The following ANKMY1 variants were observed in gnomAD, a reference collection of about 807,000 sequenced individuals.
ANKMY1 encodes ankyrin repeat and MYND domain-containing protein 1.
In ANKMY1, 98 loss-of-function variants were observed where a neutral mutation model predicts 102.0. That is an observed-to-expected ratio of 0.96 (90% CI 0.82 to 1.14). ANKMY1 has a LOEUF of 1.14. Among genes scored for constraint, ANKMY1 ranks in the 50% most tolerant of loss-of-function variants. The pLI is 0.00. For missense variants in ANKMY1, 1,330 were observed against 1,347.6 expected, an observed-to-expected ratio of 0.99 and a Z score of 0.20; for synonymous variants, 582 against 559.9, an observed-to-expected ratio of 1.04 and a Z score of -0.56.
intron 4 of ANKMY1, chr2:240,532,127 A>C (rs1279642376): frequency 4.3e-6 from 2 of 469,018 alleles, no homozygotes; most frequent in Middle Eastern, 3.3e-4. Flanking sequence ...TGGAAACATC[A>C]CATTGAAACT....
At position 240,511,642 on chromosome 2, in the gene ANKMY1, T is replaced by G. The variant is rs964160339; in HGVS notation, c.2286+219A>C. ...GCCCTGTGGTAAGAAGTAGACTTCA[T>G]GCCGCCACCCAGGCCCCGTGCGCAG... is the stretch of plus-strand genomic sequence containing the variant. On this transcript the variant is annotated intron_variant, in intron 11 of 17. Transcript: ENST00000401804. Among the ~76,000 whole-genome samples, 4 of 152,372 alleles carry G rather than the reference T, an allele frequency of 2.6e-5. No individual in the cohort carries two copies. The East Asian group carries it at 7.7e-4, about 29-fold the overall frequency.
chr2:240,523,435 T>G (rs2082698120), intron 8 of ANKMY1: 2 of 177,826 alleles, frequency 1.1e-5, no homozygotes, highest in African/African-American at 4.7e-5. Context: ...GAAAGGGTCT[T>G]GGACCCCCGG....
At chr2:240,555,299 A>T (rs1575389991) in intron 2 of ANKMY1, 2 of 534,352 alleles carry the variant, frequency 3.7e-6, no homozygotes, top group East Asian at 6.1e-5. Context: ...AGATGCTGCC[A>T]GGCTCTAGAG....
intron 1 of ANKMY1, 87 bp from the exon 2 acceptor site, chr2:240,557,439 G>GA: frequency 7.2e-7 from 1 of 1,386,686 alleles, no homozygotes; most frequent in Non-Finnish European, 9.5e-7. Flanking sequence ...CGCGGCCCCT[G>GA]AGCCTCAGAG....
At chr2:240,515,970 C>T (rs1372824219) in intron 9 of ANKMY1, among the ~76,000 whole-genome samples, 1 of 151,654 alleles carries the variant, frequency 6.6e-6, no homozygotes, top group Non-Finnish European at 1.5e-5. Flanking sequence ...GTGATCTGCC[C>T]ACCTCAGCCT....
intron 11 of ANKMY1, among the ~76,000 whole-genome samples, chr2:240,510,083 T>A (rs865825363): frequency 6.1e-5 from 8 of 130,386 alleles, no homozygotes; most frequent in Middle Eastern, 4.1e-3. Context: ...CCTGCCTCCC[T>A]GCCCCCCTGC....
Position 240,537,292 on chromosome 2 carries a change from G to A in ANKMY1, c.481-7783C>T, listed in dbSNP as rs371726194. Among the ~76,000 whole-genome samples the A allele has an allele frequency of 1.1e-4, 17 of 152,296 alleles. No individual in the cohort carries two copies. The East Asian group carries it at 1.3e-3, about 12-fold the overall frequency. ...TAAGTTACCCAAAATGTTATCATAA[G>A]TTCCATAATGTGACCCTCGCCTATT... On this transcript the variant is annotated intron_variant, in intron 4 of 17. Transcript: ENST00000401804.
chr2:240,548,309 A>G (rs146464427), intron 4 of ANKMY1, among the ~76,000 whole-genome samples: 4,639 of 152,314 alleles, frequency 0.03, 98 homozygotes, highest in Middle Eastern at 0.13. Context: ...GACAAAATTC[A>G]ACAACACTTC....
chr2:240,509,303 G>T, intron 12 of ANKMY1, 45 bp downstream of exon 12: 1 of 1,517,372 alleles, frequency 6.6e-7, no homozygotes, highest in Non-Finnish European at 9.0e-7. Context: ...CACTGGAGAC[G>T]GAAACACATA....
chr2:240,557,339 T>G lies in ANKMY1; in HGVS notation c.-4A>C. ...GGGAGGCATGGGCCCCTTCCATGTC[T>G]GTGGTCTTCCAACCTGCAAGCGACG... is the stretch of plus-strand genomic sequence containing the variant. On this transcript the variant is annotated 5_prime_UTR_variant, in exon 2 of 18. Coordinates refer to ENST00000401804, the MANE Select transcript of ANKMY1 (RefSeq NM_001282771.3). 6.5e-7 allele frequency: 1 copy of G among 1,537,164 alleles called. No individual in the cohort carries two copies. The highest frequency in any genetic ancestry group is 8.8e-7 in the Non-Finnish European group (1 of 1,137,176).
chr2:240,553,136 C>T lies in ANKMY1; in HGVS notation c.337-79G>A. The T allele has an allele frequency of 1.6e-5, 25 of 1,523,932 alleles. No individual in the cohort carries two copies. The South Asian group carries it at 2.9e-4, about 18-fold the overall frequency. The allele number at this position is 1,523,932 out of a possible 1,614,324, so 94.4% of individuals were successfully genotyped here. On this transcript the variant is annotated intron_variant, in intron 3 of 17. Transcript: ENST00000401804. ...ATGCCCTTGAGGCTGAGCCACCATG[C>T]CTGGTTGGCAATGAATGGGGACCAC... is the stretch of plus-strand genomic sequence containing the variant.
chr2:240,493,148 C>G lies in ANKMY1; in HGVS notation c.2806+6810G>C, dbSNP rs902105502. Among the ~76,000 whole-genome samples, 6 of 132,460 alleles carry G rather than the reference C, an allele frequency of 4.5e-5. 1 individual carries two copies. In the South Asian group the frequency reaches 1.6e-3, roughly 36 times the overall value. The allele number at this position is 132,460 out of a possible 152,430, so 86.9% of individuals were successfully genotyped here. On this transcript the variant is annotated intron_variant, in intron 15 of 17. Transcript: ENST00000401804. ...ACCAGCCTGACCAATATGGTGAAATCCCATCTCTACTAAAAATACAAAAAA... is the reference window on the plus strand; with the variant it reads ...ACCAGCCTGACCAATATGGTGAAATGCCATCTCTACTAAAAATACAAAAAA...
chr2:240,527,117 A>C (rs1436258777), intron 5 of ANKMY1: 4 of 481,724 alleles, frequency 8.3e-6, no homozygotes, highest in East Asian at 1.9e-4. Context: ...GGTGGGTGGG[A>C]AGATGGATGG....
At chr2:240,485,584 CT>C (rs201255082) in intron 15 of ANKMY1, among the ~76,000 whole-genome samples, 29,239 of 146,686 alleles carry the variant, frequency 0.2, 3,736 homozygotes, top group African/African-American at 0.37. Context: ...CATGAATCTT[CT>C]TTTTTTTTTT....
chr2:240,512,552 T>C (rs1014244040), intron 10 of ANKMY1, among the ~76,000 whole-genome samples: 1 of 152,252 alleles, frequency 6.6e-6, no homozygotes, highest in Non-Finnish European at 1.5e-5. Flanking sequence ...CCCCACGCCC[T>C]GTGGACTGCC....
At chr2:240,526,661 C>T in intron 5 of ANKMY1, 1 of 1,431,402 alleles carries the variant, frequency 7.0e-7, no homozygotes, top group Non-Finnish European at 9.1e-7. Context: ...ACCTGGAGGT[C>T]AAGATGCTTG....
At chr2:240,491,516 A>T (rs2076651232) in intron 15 of ANKMY1, among the ~76,000 whole-genome samples, 2 of 151,962 alleles carry the variant, frequency 1.3e-5, no homozygotes, top group Admixed American at 1.3e-4. Flanking sequence ...AGTGACTTTT[A>T]TACTTTTGTG....
rs560354137 is a variant in ANKMY1 at position 240,506,255 on chromosome 2, G to A, written c.2526+1305C>T. Among the ~76,000 whole-genome samples, 20 of 152,256 alleles carry A rather than the reference G, an allele frequency of 1.3e-4. No individual in the cohort carries two copies. In the Middle Eastern group the frequency reaches 0.014, roughly 104 times the overall value. ...CCCCCTGAGCTGCCTCTCCCGTCTC[G>A]CGTCCTTTCTCTATTTACTCAGACT... On this transcript the variant is annotated intron_variant, in intron 13 of 17. Coordinates refer to ENST00000401804, the MANE Select transcript of ANKMY1 (RefSeq NM_001282771.3). This position sits in a 1 kb window ranked among gnomAD's most constrained non-coding sequence, Gnocchi z 4.9.
rs2091798147 is a variant in ANKMY1 at position 240,553,031 on chromosome 2, G to T, written c.363C>A (p.Asp121Glu). The T allele has an allele frequency of 6.2e-7, 1 of 1,614,026 alleles. No homozygotes were observed. The highest frequency in any genetic ancestry group is 8.5e-7 in the Non-Finnish European group (1 of 1,180,008). Residue 121 changes from aspartate to glutamate, a missense_variant, in exon 4 of 18, where the codon GAC (aspartate) becomes GAA (glutamate). Coordinates refer to ENST00000401804, the MANE Select transcript of ANKMY1 (RefSeq NM_001282771.3). The part of the protein sequence containing the change: ...GESYHGQFYR[D>E]HCHGLGTYMW... Reference sequence around the variant, plus strand: ...TGTAGGTACCCAGGCCATGGCAGTGGTCCCGGTAAAACTGCCCATGGTATG... The same window carrying T: ...TGTAGGTACCCAGGCCATGGCAGTGTTCCCGGTAAAACTGCCCATGGTATG...
Sources: allele counts gnomAD v4.1 joint callset (sites outside exome capture counted in the v4.1 genomes callset), GRCh38; gene constraint gnomAD v4.1.1; non-coding constraint Gnocchi (gnomAD v3.1); transcripts MANE v1.5; gene names NCBI Gene and HGNC (gene_info 2026-07-23, HGNC 2026-07-21).